The following MYO16 variants were observed in gnomAD, a reference collection of about 807,000 sequenced individuals.
MYO16 encodes myosin XVI, also known as unconventional myosin-XVI.
Under a neutral mutation model 205.3 loss-of-function variants are expected in MYO16, and 94 were observed. That is an observed-to-expected ratio of 0.46 (90% CI 0.39 to 0.54). The LOEUF (loss-of-function observed/expected upper bound fraction) is 0.54. Among genes scored for constraint, MYO16 ranks in the 20% least tolerant of loss-of-function variants. The pLI, the probability that MYO16 is intolerant of heterozygous loss-of-function variation, is 0.00. For synonymous variants in MYO16, 988 were observed against 954.0 expected, an observed-to-expected ratio of 1.04 and a Z score of -0.66; for missense variants, 2,315 against 2,387.5, an observed-to-expected ratio of 0.97 and a Z score of 0.63.
intron 5 of MYO16, among the ~76,000 whole-genome samples, chr13:108,790,255 A>G (rs1886577652): frequency 6.6e-6 from 1 of 152,200 alleles, no homozygotes; most frequent in Non-Finnish European, 1.5e-5. Context: ...TTACCTTAAG[A>G]GGGACGGTTA....
intron 2 of MYO16, among the ~76,000 whole-genome samples, chr13:108,669,975 T>C (rs1443127731): frequency 6.6e-6 from 1 of 152,100 alleles, no homozygotes; most frequent in Admixed American, 6.6e-5. Context: ...CTAATGTACA[T>C]GGGGCTTAAA....
intron 28 of MYO16, among the ~76,000 whole-genome samples, chr13:109,108,653 A>G (rs1438963755): frequency 6.6e-6 from 1 of 152,204 alleles, no homozygotes; most frequent in African/African-American, 2.4e-5. Flanking sequence ...ACTAATAAAT[A>G]ATCACAGGTT....
intron 16 of MYO16, among the ~76,000 whole-genome samples, chr13:108,927,052 A>C (rs1483178304): frequency 6.6e-6 from 1 of 152,082 alleles, no homozygotes; most frequent in East Asian, 1.9e-4. Flanking sequence ...CCCTCAGTCA[A>C]GAGCCATGTC....
At chr13:108,502,423 G>A in the MYO16 span, among the ~76,000 whole-genome samples, 3 of 152,030 alleles carry the variant, frequency 2.0e-5, no homozygotes, top group Non-Finnish European at 4.4e-5. Context: ...GTCATTCTGG[G>A]TATTTTTGGT....
intron 28 of MYO16, among the ~76,000 whole-genome samples, chr13:109,105,511 T>C (rs910660003): frequency 1.3e-5 from 2 of 152,188 alleles, no homozygotes; most frequent in Non-Finnish European, 2.9e-5. Flanking sequence ...ATTTATTGTT[T>C]TGAAATGAAA....
intron 4 of MYO16, among the ~76,000 whole-genome samples, chr13:108,738,360 A>G (rs957833094): frequency 7.9e-5 from 12 of 152,202 alleles, no homozygotes; most frequent in Non-Finnish European, 1.5e-5. Flanking sequence ...GTTTCAAAGA[A>G]CATCTTTATT....
chr13:109,186,581 T>C (rs1189894425), intron 34 of MYO16, among the ~76,000 whole-genome samples: 1 of 151,978 alleles, frequency 6.6e-6, no homozygotes, highest in Admixed American at 6.6e-5. Flanking sequence ...TGAGCATACA[T>C]TCTGGCCAGT....
chr13:108,737,446 A>G (rs1388728378), intron 4 of MYO16, among the ~76,000 whole-genome samples: 2 of 152,120 alleles, frequency 1.3e-5, no homozygotes, highest in African/African-American at 4.8e-5. Context: ...ACATTTAATG[A>G]TTTGTGTATG....
At chr13:108,667,805 G>C (rs1271624057) in intron 2 of MYO16, among the ~76,000 whole-genome samples, 1 of 152,122 alleles carries the variant, frequency 6.6e-6, no homozygotes, top group African/African-American at 2.4e-5. Flanking sequence ...CAACACTTTG[G>C]GAGGCATAGG....
intron 14 of MYO16, among the ~76,000 whole-genome samples, chr13:108,895,234 A>G (rs1880358569): frequency 6.6e-6 from 1 of 152,194 alleles, no homozygotes; most frequent in Non-Finnish European, 1.5e-5. Flanking sequence ...TAAAATTTGA[A>G]TAAGTAAATA....
rs116176532 is a variant in MYO16, at chr13:108,928,152, T to C, written c.1925+18002T>C. Among the ~76,000 whole-genome samples the C allele has an allele frequency of 6.8e-3, 1,028 of 152,274 alleles. 12 individuals carry two copies. The highest frequency in any genetic ancestry group is 0.024 in the African/African-American group (989 of 41,556). ...ACAAGGAGAGAGGGATGGGAGCAGC[T>C]TCCATGAAAGAGAGGAAGCTGGGCC... On this transcript the variant is annotated intron_variant, in intron 16 of 34. Coordinates refer to ENST00000457511, the MANE Select transcript of MYO16 (RefSeq NM_001198950.3).
At chr13:108,911,394 G>A (rs1341614574) in intron 16 of MYO16, among the ~76,000 whole-genome samples, 1 of 152,036 alleles carries the variant, frequency 6.6e-6, no homozygotes, top group Non-Finnish European at 1.5e-5. Context: ...TACGTTAATC[G>A]AGAGCCTCCT....
chr13:108,889,285 G>A (rs1344346013), intron 14 of MYO16, among the ~76,000 whole-genome samples: 2 of 152,110 alleles, frequency 1.3e-5, no homozygotes, highest in Admixed American at 6.6e-5. Context: ...TAACTGTCCC[G>A]CTAATTCATC....
chr13:108,498,272 C>T, the MYO16 span, among the ~76,000 whole-genome samples: 2 of 152,088 alleles, frequency 1.3e-5, no homozygotes, highest in Non-Finnish European at 2.9e-5. Context: ...TCTGTTCAAG[C>T]TTGCTCTACC....
chr13:108,777,436 G>A (rs1051111620), intron 4 of MYO16, among the ~76,000 whole-genome samples: 4 of 152,198 alleles, frequency 2.6e-5, no homozygotes, highest in African/African-American at 9.7e-5. Context: ...CCACATCGGG[G>A]AGAGTATCTG....
chr13:108,910,421 A>AT (rs1881201859), intron 16 of MYO16, among the ~76,000 whole-genome samples: 1 of 152,204 alleles, frequency 6.6e-6, no homozygotes, highest in Admixed American at 6.5e-5. Context: ...CCTTTTAAGT[A>AT]TTTTGGCTAT....
Position 109,125,184 on chromosome 13 carries a change from T to G in MYO16, c.3608T>G (p.Ile1203Ser). The G allele has an allele frequency of 6.2e-7, 1 of 1,614,122 alleles. No individual in the cohort carries two copies. Among genetic ancestry groups the G allele is most frequent in the Non-Finnish European group, 8.5e-7 (1 of 1,180,022 alleles). The change falls in exon 30 of 35, where the codon ATC (isoleucine) becomes AGC (serine). Residue 1203 changes from isoleucine to serine, a missense_variant. Transcript: ENST00000457511. The surrounding 1 kb of genome is among the most constrained non-coding windows in gnomAD (Gnocchi z 4.0). ...ISIRQQEVTS[I>S]NSFLQNTEDM... ...ATCAGACAACAAGAGGTGACTTCTA[T>G]CAATAGCTTTCTGCAGAACACAGAG...
intron 2 of MYO16, among the ~76,000 whole-genome samples, chr13:108,681,163 C>G (rs1882445574): frequency 6.6e-6 from 1 of 152,198 alleles, no homozygotes; most frequent in Non-Finnish European, 1.5e-5. Flanking sequence ...AAATATGCTT[C>G]TCTTTCCCAC....
intron 14 of MYO16, among the ~76,000 whole-genome samples, chr13:108,894,901 T>G (rs1381488041): frequency 1.3e-5 from 2 of 152,214 alleles, no homozygotes; most frequent in African/African-American, 2.4e-5. Context: ...TTCCATGACA[T>G]TAAATTTATT....
Sources: allele counts gnomAD v4.1 joint callset (sites outside exome capture counted in the v4.1 genomes callset), GRCh38; gene constraint gnomAD v4.1.1; non-coding constraint Gnocchi (gnomAD v3.1); transcripts MANE v1.5; gene names NCBI Gene and HGNC (gene_info 2026-07-23, HGNC 2026-07-21).